SPTBN1: variants seen among roughly 807,000 people sequenced by gnomAD.
SPTBN1 encodes spectrin beta, non-erythrocytic 1.
Under a neutral mutation model 266.4 loss-of-function variants are expected in SPTBN1, and 32 were observed. The ratio of observed to expected loss-of-function variants is 0.12; its 90% CI spans 0.09 to 0.16. The LOEUF is 0.16. Ranked by LOEUF, SPTBN1 falls within the 10% of genes least tolerant of loss-of-function variation. The pLI, the probability that SPTBN1 is intolerant of heterozygous loss-of-function variation, is 1.00. For missense variants in SPTBN1, 2,296 were observed against 3,067.1 expected (o/e 0.75, Z 5.94); for synonymous variants, 1,336 against 1,162.2 (o/e 1.15, Z -3.04).
At position 54,653,484 on chromosome 2, in the gene SPTBN1, G is replaced by C. The variant is rs1572760456; in HGVS notation, c.5578-125G>C. 1.4e-6 allele frequency: 2 copies of C among 1,461,346 alleles called. No homozygotes were observed. Among genetic ancestry groups the C allele is most frequent in the East Asian group, 4.7e-5 (2 of 42,460 alleles). 90.5% of individuals were successfully genotyped at this position (1,461,346 alleles called of 1,614,324 possible). A position where few individuals can be genotyped will look rare whatever the true frequency, so the allele number is the denominator to read the frequency against. On this transcript the variant is annotated intron_variant, in intron 26 of 35. Transcript: ENST00000356805. This position sits in a 1 kb window ranked among gnomAD's most constrained non-coding sequence, Gnocchi z 5.1. ...CCCAGTGAAATTGAGGGCTCCTTAA[G>C]GGGCATGGGCCATATTTTGACTCTG...
intron 1 of SPTBN1, among the ~76,000 whole-genome samples, chr2:54,486,354 CTT>C (rs1288479019): frequency 2.0e-5 from 3 of 152,000 alleles, no homozygotes; most frequent in East Asian, 3.9e-4. Context: ...ACATGGGAGA[CTT>C]TTCATTTTGT....
chr2:54,662,296 TTTG>T, intron 32 of SPTBN1: 2 of 985,444 alleles, frequency 2.0e-6, no homozygotes, highest in Non-Finnish European at 2.4e-6. Context: ...TAAAATTCAT[TTTG>T]TTCCTTTTAT....
intron 1 of SPTBN1, among the ~76,000 whole-genome samples, chr2:54,525,696 GC>G (rs1667719285): frequency 1.3e-5 from 2 of 152,206 alleles, no homozygotes; most frequent in Admixed American, 6.5e-5. Flanking sequence ...TCATTCAGAA[GC>G]CCCACGTAGG....
Position 54,665,948 on chromosome 2 carries a change from C to T in SPTBN1, c.6693C>T (p.Asn2231=), listed in dbSNP as rs144956670. The T allele has an allele frequency of 6.2e-7, 1 of 1,613,828 alleles. No individual in the cohort carries two copies. The highest frequency in any genetic ancestry group is 1.3e-5 in the African/African-American group (1 of 74,866). Residue 2231 remains asparagine (N), a synonymous_variant, in exon 34 of 36, where the codon AAC becomes AAT. Transcript: ENST00000356805. ...ACAATGTTTATTGTGTCATAAATAA[C>T]CAAGAAATGGGTTTCTACAAAGATG... The part of the protein sequence containing the change: ...SWHNVYCVIN[N]QEMGFYKDAK...
chr2:54,633,411 G>A (rs1678891928), intron 17 of SPTBN1, among the ~76,000 whole-genome samples: 1 of 140,172 alleles, frequency 7.1e-6, no homozygotes, highest in Admixed American at 7.3e-5. Context: ...TTATTTACGT[G>A]TGTGTGTGTG....
In SPTBN1 at chr2:54,646,563, A is replaced by G. The variant is rs1003105470; in HGVS notation, c.4866+88A>G. The G allele has an allele frequency of 8.6e-6, 12 of 1,395,934 alleles. No homozygotes were observed. In the African/African-American group the frequency reaches 1.5e-4, roughly 17 times the overall value. 86.5% of individuals were successfully genotyped at this position (1,395,934 alleles called of 1,614,324 possible). A position where few individuals can be genotyped will look rare whatever the true frequency, so the allele number is the denominator to read the frequency against. ...TTTCTGCTGGCGGCTCTGTCTGTAT[A>G]AAAACTTCCCTTGTAGCCTTTGAGT... On this transcript the variant is annotated intron_variant, in intron 23 of 35. Transcript: ENST00000356805. The surrounding 1 kb of genome is among the most constrained non-coding windows in gnomAD (Gnocchi z 4.4).
chr2:54,520,004 C>T (rs952157411), intron 1 of SPTBN1, among the ~76,000 whole-genome samples: 9 of 151,994 alleles, frequency 5.9e-5, no homozygotes, highest in African/African-American at 1.9e-4. Flanking sequence ...GTTCGACAGG[C>T]GGAGTTAGTG....
chr2:54,500,311 A>G (rs1042501681), intron 1 of SPTBN1, among the ~76,000 whole-genome samples: 4 of 152,206 alleles, frequency 2.6e-5, no homozygotes, highest in African/African-American at 7.2e-5. Flanking sequence ...GATCACTTGG[A>G]TAGGCTGAAG....
At chr2:54,530,809 C>T (rs868100343) in intron 2 of SPTBN1, among the ~76,000 whole-genome samples, 4 of 152,130 alleles carry the variant, frequency 2.6e-5, no homozygotes, top group African/African-American at 7.2e-5. Context: ...TGGAGTCTGC[C>T]GAGTGATGGG....
At chr2:54,557,797 G>T (rs1672974202) in intron 2 of SPTBN1, 1 of 985,380 alleles carries the variant, frequency 1.0e-6, no homozygotes, top group Non-Finnish European at 1.2e-6. Flanking sequence ...GGCAGCGTAA[G>T]TCAGCCGAGA....
chr2:54,661,072 A>G, intron 32 of SPTBN1: 1 of 985,396 alleles, frequency 1.0e-6, no homozygotes, highest in Non-Finnish European at 1.2e-6. Context: ...AAGTCATGTC[A>G]GTGTCTCTGT....
At chr2:54,615,426 A>G (rs990979594) in intron 4 of SPTBN1, among the ~76,000 whole-genome samples, 29 of 152,348 alleles carry the variant, frequency 1.9e-4, no homozygotes, top group Non-Finnish European at 3.7e-4. Flanking sequence ...TATAATAGAC[A>G]AAAGTGTATT....
rs569429141 is a variant in SPTBN1, at chr2:54,554,257, C to T, written c.148+27691C>T. 3.3e-5 allele frequency among the ~76,000 whole-genome samples: 5 copies of T among 152,244 alleles called. No homozygotes were observed. Among genetic ancestry groups the T allele is most frequent in the African/African-American group, 9.6e-5 (4 of 41,530 alleles). ...AGCAGAGGTGGGGAGATGGGGAGCA[C>T]GCTGACTTGGTGGATCTGGGGTCCA... is the stretch of plus-strand genomic sequence containing the variant. On this transcript the variant is annotated intron_variant, in intron 2 of 35. Coordinates refer to ENST00000356805, the MANE Select transcript of SPTBN1 (RefSeq NM_003128.3). This position sits in a 1 kb window ranked among gnomAD's most constrained non-coding sequence, Gnocchi z 4.5.
At chr2:54,550,493 A>AC (rs1034946554) in intron 2 of SPTBN1, among the ~76,000 whole-genome samples, 1 of 152,062 alleles carries the variant, frequency 6.6e-6, no homozygotes, top group African/African-American at 2.4e-5. Flanking sequence ...CACACCCCAC[A>AC]CCCCCAACTA....
At chr2:54,603,452 A>G (rs1400392278) in intron 3 of SPTBN1, among the ~76,000 whole-genome samples, 1 of 152,146 alleles carries the variant, frequency 6.6e-6, no homozygotes, top group Non-Finnish European at 1.5e-5. Context: ...TTTACAGAAA[A>G]CAGTTACCAG....
At chr2:54,571,323 C>T (rs1185735198) in intron 2 of SPTBN1, among the ~76,000 whole-genome samples, 1 of 152,116 alleles carries the variant, frequency 6.6e-6, no homozygotes, top group African/African-American at 2.4e-5. Flanking sequence ...GCCTCATTTT[C>T]TTCAGGGGGA....
At chr2:54,563,460 C>T (rs1213505439) in intron 2 of SPTBN1, among the ~76,000 whole-genome samples, 1 of 152,012 alleles carries the variant, frequency 6.6e-6, no homozygotes, top group East Asian at 1.9e-4. Context: ...AATTTCAGGT[C>T]ATGAAATGCA....
Position 54,646,999 on chromosome 2 carries a change from C to T in SPTBN1, c.4867-132C>T. On this transcript the variant is annotated intron_variant, in intron 23 of 35. Coordinates refer to ENST00000356805, the MANE Select transcript of SPTBN1 (RefSeq NM_003128.3). This position sits in a 1 kb window ranked among gnomAD's most constrained non-coding sequence, Gnocchi z 4.4. ...TTGGAACACTTCTGTGTTCCACTGTCCGTACTGCACCTCTGGAGTTTTTCT... is the reference window on the plus strand; with the variant it reads ...TTGGAACACTTCTGTGTTCCACTGTTCGTACTGCACCTCTGGAGTTTTTCT... 1 of 1,317,706 alleles carries T rather than the reference C, an allele frequency of 7.6e-7. No homozygotes were observed. The highest frequency in any genetic ancestry group is 2.1e-5 in the Admixed American group (1 of 48,112). The allele number at this position is 1,317,706 out of a possible 1,614,324, so 81.6% of individuals were successfully genotyped here. A position where few individuals can be genotyped will look rare whatever the true frequency, so the allele number is the denominator to read the frequency against.
chr2:54,522,868 G>T (rs549927167), intron 1 of SPTBN1, among the ~76,000 whole-genome samples: 1 of 152,158 alleles, frequency 6.6e-6, no homozygotes, highest in East Asian at 1.9e-4. Flanking sequence ...AGCCCTGGGG[G>T]TTTCTTCTCA....
Sources: allele counts gnomAD v4.1 joint callset (sites outside exome capture counted in the v4.1 genomes callset), GRCh38; gene constraint gnomAD v4.1.1; non-coding constraint Gnocchi (gnomAD v3.1); transcripts MANE v1.5; gene names NCBI Gene and HGNC (gene_info 2026-07-23, HGNC 2026-07-21).